Variants in CDKN2A observed in about 807,000 individuals in gnomAD.
CDKN2A encodes the protein cyclin-dependent kinase inhibitor 2A.
Under a neutral mutation model 11.1 loss-of-function variants are expected in CDKN2A, and 3 were observed. That is an observed-to-expected ratio of 0.27 (90% CI 0.12 to 0.70). The LOEUF (loss-of-function observed/expected upper bound fraction) is 0.70, where lower values mean the gene tolerates loss of function less well. Ranked by LOEUF, CDKN2A falls within the 30% of genes least tolerant of loss-of-function variation. CDKN2A has a pLI of 0.77. For missense variants in CDKN2A, 265 were observed against 233.6 expected (o/e 1.13, Z -0.88); for synonymous variants, 122 against 108.1 (o/e 1.13, Z -0.80).
intron 2 of CDKN2A, among the ~76,000 whole-genome samples, chr9:21,969,403 AG>A (rs1222183796): frequency 1.3e-5 from 2 of 152,098 alleles, no homozygotes; most frequent in Non-Finnish European, 1.5e-5. Flanking sequence ...AAACCCCATG[AG>A]GGCAAGACTC....
At chr9:21,993,835 G>GTA (rs1208724698) in intron 2 of CDKN2A, 2 of 483,872 alleles carry the variant, frequency 4.1e-6, no homozygotes, top group African/African-American at 4.0e-5. Flanking sequence ...GTGTGTGTGT[G>GTA]TGTGTGTGTG....
At position 21,968,418 on chromosome 9, in the gene CDKN2A, A is replaced by G. The variant is rs115661317; in HGVS notation, c.458-176T>C. 1,972 of 982,186 alleles carry G rather than the reference A, an allele frequency of 2.0e-3. 38 individuals carry two copies. The African/African-American group carries it at 0.032, about 16-fold the overall frequency. The allele number at this position is 982,186 out of a possible 1,614,324, so 60.8% of individuals were successfully genotyped here. A position where few individuals can be genotyped will look rare whatever the true frequency, so the allele number is the denominator to read the frequency against. On this transcript the variant is annotated intron_variant, in intron 2 of 2. Coordinates refer to ENST00000304494, the MANE Select transcript of CDKN2A (RefSeq NM_000077.5). The surrounding 1 kb of genome is among the most constrained non-coding windows in gnomAD (Gnocchi z 4.7). ...CCGCTCTCCCACACCTCCCTGGTCCAGCAGCTAGTCCACTGCCCGCCTGGC... is the reference window on the plus strand; with the variant it reads ...CCGCTCTCCCACACCTCCCTGGTCCGGCAGCTAGTCCACTGCCCGCCTGGC...
chr9:21,979,895 C>T (rs1280636569), intron 2 of CDKN2A, among the ~76,000 whole-genome samples: 1 of 152,040 alleles, frequency 6.6e-6, no homozygotes, highest in Admixed American at 6.5e-5. Flanking sequence ...AGCAACCCTA[C>T]AAATCAAAGA....
Position 21,991,998 on chromosome 9 carries a change from C to T in CDKN2A, c.-4+1884G>A. 1 of 984,292 alleles carries T rather than the reference C, an allele frequency of 1.0e-6. No homozygotes were observed. Among genetic ancestry groups the T allele is most frequent in the Non-Finnish European group, 1.2e-6 (1 of 829,002 alleles). The allele number at this position is 984,292 out of a possible 1,614,324, so 61.0% of individuals were successfully genotyped here. ...TAAAAATATGACTATTTTGTAAATG[C>T]ACCAAGGTAGAAGTAACAAATCAAC... On this transcript the variant is annotated intron_variant, in intron 2 of 3. Coordinates refer to the CDKN2A transcript ENST00000494262. The surrounding 1 kb of genome is among the most constrained non-coding windows in gnomAD (Gnocchi z 5.2).
At chr9:21,979,333 G>A (rs1464873401), upstream of CDKN2A, among the ~76,000 whole-genome samples, 2 of 152,196 alleles carry the variant, frequency 1.3e-5, no homozygotes, top group South Asian at 2.1e-4. Context: ...TAGCTTGGTT[G>A]TGATAGTTCA....
upstream of CDKN2A, chr9:21,975,164 T>C (rs1309097152): frequency 3.4e-6 from 4 of 1,164,280 alleles, no homozygotes; most frequent in Non-Finnish European, 4.2e-6. Context: ...GAAGGAGGAC[T>C]GGGCTCCTCC....
Position 21,968,468 on chromosome 9 carries a change from A to G in CDKN2A, c.458-226T>C. The G allele has an allele frequency of 6.8e-7, 1 of 1,481,300 alleles. No individual in the cohort carries two copies. Among genetic ancestry groups the G allele is most frequent in the Non-Finnish European group, 8.9e-7 (1 of 1,120,608 alleles). 91.8% of individuals were successfully genotyped at this position (1,481,300 alleles called of 1,614,324 possible). A position where few individuals can be genotyped will look rare whatever the true frequency, so the allele number is the denominator to read the frequency against. On this transcript the variant is annotated intron_variant, in intron 2 of 2. Coordinates refer to ENST00000304494, the MANE Select transcript of CDKN2A (RefSeq NM_000077.5). The surrounding 1 kb of genome is among the most constrained non-coding windows in gnomAD (Gnocchi z 4.7). Reference sequence around the variant, plus strand: ...CTGCTCCAGGCGCGCCGACCGCTCAAGCGCTCCAGGTCCACCCGGCGGAGG... The same window carrying G: ...CTGCTCCAGGCGCGCCGACCGCTCAGGCGCTCCAGGTCCACCCGGCGGAGG...
chr9:21,968,157 T>C lies in CDKN2A; in HGVS notation c.*72A>G. 1 of 1,344,386 alleles carries C rather than the reference T, an allele frequency of 7.4e-7. No homozygotes were observed. Among genetic ancestry groups the C allele is most frequent in the Admixed American group, 1.7e-5 (1 of 58,062 alleles). The allele number at this position is 1,344,386 out of a possible 1,614,324, so 83.3% of individuals were successfully genotyped here. A position where few individuals can be genotyped will look rare whatever the true frequency, so the allele number is the denominator to read the frequency against. On this transcript the variant is annotated 3_prime_UTR_variant, in exon 3 of 3. Transcript: ENST00000304494. The surrounding 1 kb of genome is among the most constrained non-coding windows in gnomAD (Gnocchi z 4.7). ...CGGGGTGGGTTGTGGCGGGGGCAGT[T>C]GTGGCCCTGTAGGACCTTCGGTGAC... is the stretch of plus-strand genomic sequence containing the variant.
In CDKN2A at chr9:21,968,631, T is replaced by C; in HGVS notation, c.458-389A>G. The stretch of plus-strand genomic sequence containing the variant: ...CTTTCCCTTCCCGCATCCCCAGGCA[T>C]CTTTTGCACCTGGTGCGGAGTGAGC... On this transcript the variant is annotated intron_variant, in intron 2 of 2. Transcript: ENST00000304494. The surrounding 1 kb of genome is among the most constrained non-coding windows in gnomAD (Gnocchi z 4.7). 1 of 1,520,954 alleles carries C rather than the reference T, an allele frequency of 6.6e-7. No homozygotes were observed. The highest frequency in any genetic ancestry group is 2.5e-5 in the East Asian group (1 of 40,790). 94.2% of individuals were successfully genotyped at this position (1,520,954 alleles called of 1,614,324 possible).
upstream of CDKN2A, chr9:21,975,177 A>G: frequency 8.9e-7 from 1 of 1,123,808 alleles, no homozygotes; most frequent in South Asian, 3.7e-5. Context: ...GCTCCTCCCC[A>G]CCTGCCCCCC....
intron 2 of CDKN2A, chr9:21,993,841 G>A: frequency 8.8e-6 from 4 of 453,640 alleles, no homozygotes; most frequent in South Asian, 8.3e-5. Context: ...GTGTGTGTGT[G>A]TGTGTCTTAG....
At chr9:21,992,024 T>A in intron 2 of CDKN2A, 4 of 984,254 alleles carry the variant, frequency 4.1e-6, no homozygotes, top group Non-Finnish European at 4.8e-6. Flanking sequence ...ACAAATCAAC[T>A]ATGGCAATTT....
At chr9:21,975,694 C>G (rs1587342024), upstream of CDKN2A, among the ~76,000 whole-genome samples, 2 of 152,248 alleles carry the variant, frequency 1.3e-5, no homozygotes, top group East Asian at 3.9e-4. Context: ...GGGGAGAATT[C>G]TGCCTGTAGG....
At chr9:21,971,296 AGACCCCCAC>A (rs2131097912) in intron 1 of CDKN2A, 88 bp from the exon 2 acceptor site, 1 of 1,536,856 alleles carries the variant, frequency 6.5e-7, no homozygotes, top group East Asian at 2.4e-5. Flanking sequence ...ACCGCCAAGC[AGACCCCCAC>A]ACAAGCCCCA....
intron 2 of CDKN2A, chr9:21,969,801 G>A: frequency 9.7e-6 from 3 of 310,020 alleles, no homozygotes; most frequent in Non-Finnish European, 1.7e-5. Context: ...TAACTGGAGG[G>A]AATTGGCGGG....
At chr9:21,969,902 A>G (rs560943775) in intron 2 of CDKN2A, 2 of 397,092 alleles carry the variant, frequency 5.0e-6, no homozygotes, top group African/African-American at 4.1e-5. Flanking sequence ...ATCTCCAAGC[A>G]GAGGGCTTAG....
chr9:21,970,860 G>C lies in CDKN2A; in HGVS notation c.457+42C>G, dbSNP rs377229595. On this transcript the variant is annotated intron_variant, in intron 2 of 2. Transcript: ENST00000304494. Reference sequence around the variant, plus strand: ...CTGGAAAATGAATGCTCTGAGCTTTGGAAGCTCTCAGGGTACAAATTCTCA... The same window carrying C: ...CTGGAAAATGAATGCTCTGAGCTTTCGAAGCTCTCAGGGTACAAATTCTCA... 3.1e-6 allele frequency: 5 copies of C among 1,599,550 alleles called. No individual in the cohort carries two copies. The African/African-American group carries it at 6.7e-5, about 21-fold the overall frequency.
rs529932769 is a variant in CDKN2A, at chr9:21,988,905, G to A, written c.-4+4977C>T. Among the ~76,000 whole-genome samples the A allele has an allele frequency of 2.0e-5, 3 of 152,296 alleles. No homozygotes were observed. Among genetic ancestry groups the A allele is most frequent in the African/African-American group, 7.2e-5 (3 of 41,570 alleles). The stretch of plus-strand genomic sequence containing the variant: ...TAAGTATTTGCCATTCCCTTTAGAT[G>A]GAAACGTTCTTTGGTCCACCAAGCC... On this transcript the variant is annotated intron_variant, in intron 2 of 3. Transcript: ENST00000494262. The surrounding 1 kb of genome is among the most constrained non-coding windows in gnomAD (Gnocchi z 4.1).
rs113792815 is a variant in CDKN2A, at chr9:21,988,926, A to T, written c.-4+4956T>A. Among the ~76,000 whole-genome samples, 3 of 152,220 alleles carry T rather than the reference A, an allele frequency of 2.0e-5. No homozygotes were observed. Among genetic ancestry groups the T allele is most frequent in the Non-Finnish European group, 2.9e-5 (2 of 68,030 alleles). ...AGATGGAAACGTTCTTTGGTCCACCAAGCCCTATCGTTCTGCTCTTTGGAA... is the reference window on the plus strand; with the variant it reads ...AGATGGAAACGTTCTTTGGTCCACCTAGCCCTATCGTTCTGCTCTTTGGAA... On this transcript the variant is annotated intron_variant, in intron 2 of 3. Coordinates refer to the CDKN2A transcript ENST00000494262. This position sits in a 1 kb window ranked among gnomAD's most constrained non-coding sequence, Gnocchi z 4.1.
Sources: allele counts gnomAD v4.1 joint callset (sites outside exome capture counted in the v4.1 genomes callset), GRCh38; gene constraint gnomAD v4.1.1; non-coding constraint Gnocchi (gnomAD v3.1); transcripts MANE v1.5; gene names NCBI Gene and HGNC (gene_info 2026-07-23, HGNC 2026-07-21).